JADE3: variants seen among roughly 807,000 people sequenced by gnomAD.
JADE3 encodes the protein protein Jade-3.
Under a neutral mutation model 50.1 loss-of-function variants are expected in JADE3, and 2 were observed. The ratio of observed to expected loss-of-function variants is 0.04; its 90% confidence interval spans 0.02 to 0.13. The LOEUF (loss-of-function observed/expected upper bound fraction) is 0.13. Ranked by LOEUF, JADE3 falls within the 10% of genes least tolerant of loss-of-function variation. JADE3 has a pLI of 1.00. For missense variants in JADE3, 475 were observed against 634.4 expected, an observed-to-expected ratio of 0.75 and a Z score of 2.70; for synonymous variants, 218 against 232.9, an observed-to-expected ratio of 0.94 and a Z score of 0.58.
intron 3 of JADE3, among the ~76,000 whole-genome samples, chrX:46,986,773 G>A (rs1269595148): frequency 1.8e-5 from 2 of 111,859 alleles, no homozygotes; most frequent in East Asian, 2.8e-4. Flanking sequence ...AAGTGCCAGC[G>A]TTCCTCTTGG....
At chrX:46,957,256 G>GATAGATAGATAT (rs1395094978) in intron 1 of JADE3, among the ~76,000 whole-genome samples, 1 of 110,603 alleles carries the variant, frequency 9.0e-6, no homozygotes, top group African/African-American at 3.3e-5. Flanking sequence ...TAGATAGATA[G>GATAGATAGATAT]ATATAAACGA....
intron 4 of JADE3, among the ~76,000 whole-genome samples, chrX:47,022,023 T>C (rs1394409054): frequency 5.3e-5 from 6 of 112,512 alleles, no homozygotes; most frequent in Admixed American, 1.9e-4. Flanking sequence ...ATAAATATAT[T>C]CTCCTCTGTT....
chrX:46,969,038 T>A (rs1394895566), intron 1 of JADE3, among the ~76,000 whole-genome samples: 1 of 112,649 alleles, frequency 8.9e-6, no homozygotes, highest in African/African-American at 3.2e-5. Context: ...TCCCAGGTCA[T>A]AAAACAAACC....
chrX:47,024,315 C>T (rs781917516), intron 4 of JADE3, among the ~76,000 whole-genome samples: 86 of 111,841 alleles, frequency 7.7e-4, no homozygotes, highest in African/African-American at 2.7e-3. Context: ...GAGACCCCAT[C>T]TCTTACCCAA....
chrX:46,928,815 A>G (rs1010091196), intron 1 of JADE3, among the ~76,000 whole-genome samples: 4 of 110,948 alleles, frequency 3.6e-5, no homozygotes, highest in Non-Finnish European at 5.7e-5. Flanking sequence ...GTCTCACTAT[A>G]TTGTGCAGGC....
intron 3 of JADE3, among the ~76,000 whole-genome samples, chrX:46,992,413 A>G: frequency 1.2e-5 from 1 of 80,989 alleles, no homozygotes; most frequent in East Asian, 4.4e-4. Context: ...TCATATTCTC[A>G]TATCAGTCCC....
At chrX:46,934,850 T>C (rs1556340594) in intron 1 of JADE3, among the ~76,000 whole-genome samples, 4 of 112,384 alleles carry the variant, frequency 3.6e-5, no homozygotes, top group African/African-American at 1.3e-4. Context: ...TCTATTTTTG[T>C]GTATATGGAT....
chrX:46,933,003 A>G (rs1178060662), intron 1 of JADE3, among the ~76,000 whole-genome samples: 1 of 112,263 alleles, frequency 8.9e-6, no homozygotes, highest in Non-Finnish European at 1.9e-5. Flanking sequence ...ATAAAAATTG[A>G]TAAACTATCA....
chrX:46,969,929 ATAATC>A (rs1315786151), intron 1 of JADE3, among the ~76,000 whole-genome samples: 1 of 112,438 alleles, frequency 8.9e-6, no homozygotes, highest in Non-Finnish European at 1.9e-5. Flanking sequence ...CCTCAAATGA[ATAATC>A]TAAGCTCCCA....
chrX:46,919,557 C>G (rs1393234769), intron 1 of JADE3, among the ~76,000 whole-genome samples: 1 of 111,808 alleles, frequency 8.9e-6, no homozygotes, highest in Non-Finnish European at 1.9e-5. Flanking sequence ...AAGTGAGTGG[C>G]CAGGAATTAC....
At chrX:46,976,285 T>C (rs1221636486) in intron 1 of JADE3, among the ~76,000 whole-genome samples, 1 of 111,109 alleles carries the variant, frequency 9.0e-6, no homozygotes, top group African/African-American at 3.3e-5. Context: ...TAATGGGGAG[T>C]CAAGTAGCCA....
chrX:47,050,386 A>C (rs1929478950), intron 8 of JADE3, among the ~76,000 whole-genome samples: 1 of 112,019 alleles, frequency 8.9e-6, no homozygotes, highest in East Asian at 2.8e-4. Flanking sequence ...GTTTATGGTG[A>C]GAACATTCAA....
At chrX:46,988,596 G>T (rs1556355183) in intron 3 of JADE3, among the ~76,000 whole-genome samples, 1 of 111,660 alleles carries the variant, frequency 9.0e-6, no homozygotes, top group African/African-American at 3.3e-5. Flanking sequence ...CAAAACTCAA[G>T]ATTAGAGAGA....
intron 1 of JADE3, among the ~76,000 whole-genome samples, chrX:46,957,483 C>T (rs1172880242): frequency 8.9e-6 from 1 of 112,103 alleles, no homozygotes; most frequent in African/African-American, 3.2e-5. Context: ...TGAGGTTAGG[C>T]GTGGCCCTGT....
chrX:47,010,946 T>C (rs1556361464), intron 4 of JADE3, among the ~76,000 whole-genome samples: 2 of 111,875 alleles, frequency 1.8e-5, no homozygotes, highest in African/African-American at 3.3e-5. Context: ...ACAGCCACCT[T>C]CTCACTGTGT....
intron 1 of JADE3, among the ~76,000 whole-genome samples, chrX:46,960,269 C>T (rs1275470816): frequency 9.0e-6 from 1 of 110,869 alleles, no homozygotes; most frequent in Non-Finnish European, 1.9e-5. Flanking sequence ...TCATAGCAGA[C>T]CTGACTTTGA....
chrX:46,942,720 A>G (rs1366300283), intron 1 of JADE3, among the ~76,000 whole-genome samples: 1 of 111,541 alleles, frequency 9.0e-6, no homozygotes, highest in Non-Finnish European at 1.9e-5. Flanking sequence ...ATTTTAGAAT[A>G]TTTTTCTAAT....
chrX:46,993,665 C>T (rs782291260), intron 3 of JADE3, among the ~76,000 whole-genome samples: 1 of 111,654 alleles, frequency 9.0e-6, no homozygotes, highest in Non-Finnish European at 1.9e-5. Flanking sequence ...TTATAAGAAA[C>T]CTGAGAGTTA....
At chrX:47,010,837 A>C (rs1470986596) in intron 4 of JADE3, among the ~76,000 whole-genome samples, 2 of 110,234 alleles carry the variant, frequency 1.8e-5, no homozygotes, top group African/African-American at 6.6e-5. Flanking sequence ...TTTCTCTCTC[A>C]AAAAAAAATT....
Sources: allele counts gnomAD v4.1 joint callset (sites outside exome capture counted in the v4.1 genomes callset), GRCh38; gene constraint gnomAD v4.1.1; transcripts MANE v1.5; gene names NCBI Gene and HGNC (gene_info 2026-07-23, HGNC 2026-07-21).